The following RBM39 variants were observed in gnomAD, a reference collection of about 807,000 sequenced individuals.
The protein encoded by RBM39 is RNA binding motif protein 39.
Under a neutral mutation model 79.6 loss-of-function variants are expected in RBM39, and 12 were observed. The observed-to-expected ratio is 0.15, with a 90% confidence interval of 0.10 to 0.24. The LOEUF is 0.24. RBM39 is among the 10% of genes least tolerant of loss of function. The pLI is 1.00. For missense variants in RBM39, 243 were observed against 653.4 expected, an observed-to-expected ratio of 0.37 and a Z score of 6.85; for synonymous variants, 185 against 208.4, an observed-to-expected ratio of 0.89 and a Z score of 0.97.
chr20:35,740,746 G>T, intron 2 of RBM39, 78 bp downstream of exon 2: 1 of 1,464,796 alleles, frequency 6.8e-7, no homozygotes, highest in Non-Finnish European at 9.5e-7. Flanking sequence ...GGGGAGGTTA[G>T]TTTACATTTC....
At chr20:35,740,771 G>A in intron 2 of RBM39, 53 bp downstream of exon 2, 1 of 1,541,514 alleles carries the variant, frequency 6.5e-7, no homozygotes, top group East Asian at 2.2e-5. Context: ...GTAGTTTCGT[G>A]AATAATGCTA....
Position 35,709,211 on chromosome 20 carries a change from C to T in RBM39, c.1225+13G>A, listed in dbSNP as rs545518002. 1.9e-6 allele frequency: 3 copies of T among 1,590,242 alleles called. No homozygotes were observed. Among genetic ancestry groups the T allele is most frequent in the Middle Eastern group, 1.7e-4 (1 of 5,962 alleles). On this transcript the variant is annotated intron_variant, in intron 13 of 16. Transcript: ENST00000253363. ...CAAAGACAAAAATAAAAAATATGAACACTTCAACTCACCTTCAGTCTGCTG... is the reference window on the plus strand; with the variant it reads ...CAAAGACAAAAATAAAAAATATGAATACTTCAACTCACCTTCAGTCTGCTG...
intron 10 of RBM39, among the ~76,000 whole-genome samples, chr20:35,716,299 C>T (rs1183979299): frequency 6.6e-6 from 1 of 152,170 alleles, no homozygotes; most frequent in African/African-American, 2.4e-5. Context: ...GTCTCAAACT[C>T]CTAATCTCAG....
chr20:35,724,725 A>G lies in RBM39; in HGVS notation c.535-3T>C, dbSNP rs371826356. 214 of 1,613,516 alleles carry G rather than the reference A, an allele frequency of 1.3e-4. No homozygotes were observed. Among genetic ancestry groups the G allele is most frequent in the Non-Finnish European group, 1.7e-4 (202 of 1,179,678 alleles). On this transcript the variant is annotated splice_polypyrimidine_tract_variant and splice_region_variant and intron_variant, in intron 7 of 16. Transcript: ENST00000253363. ...GAAATCATCCTCACATCTCGAACCT[A>G]GAAAGAAAACACAGTTGTTTGTGCA...
intron 9 of RBM39, among the ~76,000 whole-genome samples, chr20:35,721,459 GA>G (rs2037927835): frequency 6.6e-6 from 1 of 152,178 alleles, no homozygotes; most frequent in South Asian, 2.1e-4. Flanking sequence ...AAGTAGCTGG[GA>G]TTACAGGCAT....
At chr20:35,717,905 C>G (rs576591158) in intron 9 of RBM39, among the ~76,000 whole-genome samples, 2 of 151,858 alleles carry the variant, frequency 1.3e-5, no homozygotes, top group African/African-American at 4.8e-5. Flanking sequence ...GTGGCGCAGG[C>G]TGGAGTGCAG....
intron 6 of RBM39, among the ~76,000 whole-genome samples, chr20:35,727,184 A>T (rs538921786): frequency 1.0e-5 from 1 of 100,120 alleles, no homozygotes; most frequent in African/African-American, 5.1e-5. Context: ...TGTCTCTACA[A>T]AAAAAAAATA....
chr20:35,735,329 G>A (rs188197004), intron 3 of RBM39, among the ~76,000 whole-genome samples: 6 of 152,258 alleles, frequency 3.9e-5, no homozygotes, highest in East Asian at 1.9e-4. Context: ...AAAAACTCAG[G>A]TTTACAGCTC....
intron 3 of RBM39, chr20:35,735,047 A>T (rs749388388): frequency 6.3e-7 from 1 of 1,577,074 alleles, no homozygotes; most frequent in South Asian, 1.2e-5. Flanking sequence ...GACCTCTTCC[A>T]TGTAAGAAGA....
In RBM39 at chr20:35,708,997, A is replaced by T. The variant is rs2036088249; in HGVS notation, c.1225+227T>A. On this transcript the variant is annotated intron_variant, in intron 13 of 16. Coordinates refer to ENST00000253363, the MANE Select transcript of RBM39 (RefSeq NM_184234.3). The stretch of plus-strand genomic sequence containing the variant: ...CAAGGTTGAAAATTTTAAGCAAACT[A>T]AAGCAAAAAAAAAAATTGTTATTTT... The T allele has an allele frequency of 9.5e-6, 4 of 419,576 alleles. No individual in the cohort carries two copies. In the South Asian group the frequency reaches 1.6e-4, roughly 17 times the overall value. The allele number at this position is 419,576 out of a possible 1,614,324, so 26.0% of individuals were successfully genotyped here.
At position 35,703,500 on chromosome 20, in the gene RBM39, G is replaced by T. The variant is rs149306965; in HGVS notation, c.*981C>A. 6.6e-6 allele frequency: 1 copy of T among 152,344 alleles called. No individual in the cohort carries two copies. The highest frequency in any genetic ancestry group is 1.5e-5 in the Non-Finnish European group (1 of 68,028). The allele number at this position is 152,344 out of a possible 1,614,324, so 9.4% of individuals were successfully genotyped here. A position where few individuals can be genotyped will look rare whatever the true frequency, so the allele number is the denominator to read the frequency against. On this transcript the variant is annotated 3_prime_UTR_variant, in exon 17 of 17. Coordinates refer to ENST00000253363, the MANE Select transcript of RBM39 (RefSeq NM_184234.3). ...GACAACGTGAGGGCAAGTTTCCGCA[G>T]ACTCGGAACATTTTCCCAAGAGGCA... is the stretch of plus-strand genomic sequence containing the variant.
At chr20:35,729,652 G>T (rs1420155385) in intron 4 of RBM39, 125 bp from the exon 5 acceptor site, 7 of 824,990 alleles carry the variant, frequency 8.5e-6, no homozygotes, top group African/African-American at 7.0e-5. Context: ...TTATGAAGAG[G>T]AAACAAAAAT....
At chr20:35,734,990 T>C (rs2146713110) in intron 3 of RBM39, 1 of 1,611,306 alleles carries the variant, frequency 6.2e-7, no homozygotes, top group Non-Finnish European at 8.5e-7. Flanking sequence ...TTGGACTTTT[T>C]GGTTATATGG....
intron 6 of RBM39, among the ~76,000 whole-genome samples, chr20:35,726,145 TG>T (rs1014068977): frequency 9.9e-5 from 15 of 152,208 alleles, no homozygotes; most frequent in African/African-American, 2.9e-4. Flanking sequence ...TTTCTTTTTT[TG>T]TTTTTGAGAT....
chr20:35,706,816 T>A (rs2035785223), intron 14 of RBM39, among the ~76,000 whole-genome samples: 1 of 151,696 alleles, frequency 6.6e-6, no homozygotes, highest in Non-Finnish European at 1.5e-5. Context: ...TCACCTCAGG[T>A]CGGGAGTTTG....
chr20:35,720,019 G>T (rs950727579), intron 9 of RBM39: 32 of 258,898 alleles, frequency 1.2e-4, no homozygotes, highest in African/African-American at 7.0e-4. Context: ...CTGACCTCAA[G>T]CGATCCACTT....
rs892804101 is a variant in RBM39 at position 35,720,539 on chromosome 20, C to T, written c.825+1201G>A. ...CTGTAATCCCAGCACTTTAGGAGGCCGAAGCAGATCACCTGAGGTCAGGAG... is the reference window on the plus strand; with the variant it reads ...CTGTAATCCCAGCACTTTAGGAGGCTGAAGCAGATCACCTGAGGTCAGGAG... On this transcript the variant is annotated intron_variant, in intron 9 of 16. Coordinates refer to ENST00000253363, the MANE Select transcript of RBM39 (RefSeq NM_184234.3). 5.3e-5 allele frequency among the ~76,000 whole-genome samples: 8 copies of T among 150,952 alleles called. No individual in the cohort carries two copies. In the East Asian group the frequency reaches 1.4e-3, roughly 26 times the overall value.
intron 6 of RBM39, among the ~76,000 whole-genome samples, chr20:35,725,675 T>C (rs2038574350): frequency 1.7e-5 from 2 of 115,162 alleles, no homozygotes; most frequent in Admixed American, 8.5e-5. Flanking sequence ...TTTTTTTTTT[T>C]TTCCAGAGGA....
At chr20:35,707,350 G>A (rs965549186) in intron 13 of RBM39, 149 bp from the exon 14 acceptor site, 18 of 446,282 alleles carry the variant, frequency 4.0e-5, no homozygotes, top group Non-Finnish European at 7.2e-5. Flanking sequence ...TGCTACTAAT[G>A]TATGTTATCA....
Sources: gnomAD v4.1 joint callset for allele counts (sites outside exome capture counted in the v4.1 genomes callset) on GRCh38, gnomAD v4.1.1 for gene constraint, MANE v1.5 for transcripts, NCBI Gene and HGNC (gene_info 2026-07-23, HGNC 2026-07-21) for gene names.